The following GLIS3 variants were observed in gnomAD, a reference collection of about 807,000 sequenced individuals.
The protein encoded by GLIS3 is GLIS family zinc finger 3.
A neutral mutation model predicts 78.6 loss-of-function variants in GLIS3; 53 were observed. The observed-to-expected ratio is 0.67, with a 90% CI of 0.54 to 0.85. The LOEUF is 0.85. Among genes scored for constraint, GLIS3 ranks in the 40% least tolerant of loss-of-function variants. The probability of loss-of-function intolerance (pLI) is 0.00; values close to 1 mark genes in which losing one functional copy is unlikely to be tolerated. For missense variants in GLIS3, 1,703 were observed against 1,231.1 expected (o/e 1.38, Z -5.74); for synonymous variants, 684 against 509.9 (o/e 1.34, Z -4.60).
intron 2 of GLIS3, among the ~76,000 whole-genome samples, chr9:4,167,311 G>T (rs1313310811): frequency 6.6e-6 from 1 of 152,180 alleles, no homozygotes; most frequent in Non-Finnish European, 1.5e-5. Flanking sequence ...GTAACTGAGT[G>T]AAATTGCTAA....
chr9:4,122,646 G>A (rs1586736496), intron 3 of GLIS3, among the ~76,000 whole-genome samples: 1 of 152,160 alleles, frequency 6.6e-6, no homozygotes, highest in East Asian at 1.9e-4. Flanking sequence ...ATATTTGCAG[G>A]TAGTTTATGA....
chr9:4,352,185 A>C (rs1817980047), upstream of GLIS3, among the ~76,000 whole-genome samples: 1 of 152,202 alleles, frequency 6.6e-6, no homozygotes, highest in Admixed American at 6.5e-5. Context: ...AAATACAGTC[A>C]TTGTATTAAA....
At chr9:4,195,474 C>A (rs1016963664) in intron 2 of GLIS3, among the ~76,000 whole-genome samples, 2 of 152,232 alleles carry the variant, frequency 1.3e-5, no homozygotes, top group African/African-American at 2.4e-5. Flanking sequence ...CCGGGTCCCC[C>A]AGCACTGCCG....
At chr9:4,194,107 G>A (rs1255143267) in intron 2 of GLIS3, among the ~76,000 whole-genome samples, 1 of 152,134 alleles carries the variant, frequency 6.6e-6, no homozygotes, top group Non-Finnish European at 1.5e-5. Context: ...GCCCAGGCTG[G>A]AGTGCAGTGG....
At chr9:4,187,713 T>C (rs1426259918) in intron 2 of GLIS3, among the ~76,000 whole-genome samples, 2 of 152,206 alleles carry the variant, frequency 1.3e-5, no homozygotes, top group African/African-American at 4.8e-5. Context: ...GTCTTTCACA[T>C]CCCTTGTAAG....
At chr9:3,907,394 T>C (rs1041037017) in intron 6 of GLIS3, among the ~76,000 whole-genome samples, 1 of 152,146 alleles carries the variant, frequency 6.6e-6, no homozygotes, top group Admixed American at 6.5e-5. Context: ...ATGTCTAAAA[T>C]AGACAACGTG....
At position 3,906,879 on chromosome 9, in the gene GLIS3, T is replaced by C. The variant is rs568409880; in HGVS notation, c.1984-8044A>G. Among the ~76,000 whole-genome samples, 3 of 152,272 alleles carry C rather than the reference T, an allele frequency of 2.0e-5. No individual in the cohort carries two copies. In the East Asian group the frequency reaches 5.8e-4, roughly 29 times the overall value. On this transcript the variant is annotated intron_variant, in intron 6 of 10. Coordinates refer to ENST00000381971, the MANE Select transcript of GLIS3 (RefSeq NM_001042413.2). ...TTCCCTGGGTCCTGAAAAGAGCCTA[T>C]CTCACTGTCTGCAAACTTCCCACGT...
chr9:3,844,743 G>C (rs776247100), intron 9 of GLIS3, among the ~76,000 whole-genome samples: 2 of 152,136 alleles, frequency 1.3e-5, no homozygotes, highest in Non-Finnish European at 2.9e-5. Context: ...TAAAAACCCA[G>C]GTCCTAGCTC....
intron 5 of GLIS3, among the ~76,000 whole-genome samples, chr9:3,934,628 C>G (rs1825793561): frequency 6.6e-6 from 1 of 152,158 alleles, no homozygotes; most frequent in Non-Finnish European, 1.5e-5. Flanking sequence ...AGGCTGGTCT[C>G]GAACTCCTGA....
At chr9:3,894,462 A>G (rs532022650) in intron 7 of GLIS3, among the ~76,000 whole-genome samples, 7 of 152,230 alleles carry the variant, frequency 4.6e-5, no homozygotes, top group Non-Finnish European at 1.0e-4. Context: ...TTAAGAATGT[A>G]GAAAACATAT....
chr9:3,877,081 A>G (rs1168981687), intron 8 of GLIS3, among the ~76,000 whole-genome samples: 1 of 152,146 alleles, frequency 6.6e-6, no homozygotes. Flanking sequence ...AGTTGTTATG[A>G]CTATAGATAA....
intron 2 of GLIS3, 128 bp from the exon 3 acceptor site, chr9:4,126,069 T>C (rs1832553774): frequency 1.4e-5 from 10 of 721,748 alleles, no homozygotes; most frequent in Non-Finnish European, 1.9e-5. Context: ...TTTTTTAGTA[T>C]TGGTGATAGC....
chr9:3,926,232 T>TG (rs1825226033), intron 6 of GLIS3, among the ~76,000 whole-genome samples: 1 of 118,120 alleles, frequency 8.5e-6, no homozygotes, highest in African/African-American at 3.0e-5. Context: ...CTTTTTCTTT[T>TG]GTTTTTTTTT....
chr9:4,391,575 G>A, the GLIS3 span, among the ~76,000 whole-genome samples: 1 of 151,894 alleles, frequency 6.6e-6, no homozygotes, highest in Non-Finnish European at 1.5e-5. Context: ...GTGTGTGTGT[G>A]TGTTGGGCTC....
the GLIS3 span, among the ~76,000 whole-genome samples, chr9:4,467,684 C>G: frequency 6.6e-6 from 1 of 152,142 alleles, no homozygotes; most frequent in South Asian, 2.1e-4. Context: ...TGGGGAGAAA[C>G]CAAAACAGAA....
intron 4 of GLIS3, among the ~76,000 whole-genome samples, chr9:3,985,640 T>C (rs1047483541): frequency 1.2e-4 from 19 of 152,224 alleles, no homozygotes; most frequent in Admixed American, 3.3e-4. Flanking sequence ...TTCACTATTT[T>C]CTAAGAAACA....
intron 4 of GLIS3, among the ~76,000 whole-genome samples, chr9:3,991,273 A>C (rs1229513870): frequency 6.6e-6 from 1 of 152,172 alleles, no homozygotes; most frequent in Non-Finnish European, 1.5e-5. Flanking sequence ...ATTAAGACAA[A>C]TGTCCATTTT....
chr9:4,362,566 C>T, the GLIS3 span, among the ~76,000 whole-genome samples: 1 of 152,170 alleles, frequency 6.6e-6, no homozygotes, highest in African/African-American at 2.4e-5. Context: ...TGATGAATTT[C>T]CCTCAAAGTT....
the GLIS3 span, among the ~76,000 whole-genome samples, chr9:4,467,362 T>G: frequency 0.16 from 24,692 of 152,176 alleles, 2,280 homozygotes; most frequent in African/African-American, 0.25. Flanking sequence ...CCGAGTAGTA[T>G]AACTAGGAGA....
Sources: allele counts gnomAD v4.1 joint callset (sites outside exome capture counted in the v4.1 genomes callset), GRCh38; gene constraint gnomAD v4.1.1; transcripts MANE v1.5; gene names NCBI Gene and HGNC (gene_info 2026-07-23, HGNC 2026-07-21).